Variants in RIMS1 observed in about 807,000 individuals in gnomAD.
The protein encoded by RIMS1 is regulating synaptic membrane exocytosis 1.
In RIMS1, 83 loss-of-function variants were observed where a neutral mutation model predicts 214.1. That is an observed-to-expected ratio of 0.39 (90% confidence interval 0.32 to 0.47). RIMS1 has a LOEUF of 0.47. Ranked by LOEUF, RIMS1 falls within the 20% of genes least tolerant of loss-of-function variation. The probability of loss-of-function intolerance (pLI) is 0.99; values close to 1 mark genes in which losing one functional copy is unlikely to be tolerated. For synonymous variants in RIMS1, 793 were observed against 786.8 expected, an observed-to-expected ratio of 1.01 and a Z score of -0.13; for missense variants, 2,050 against 2,161.8, an observed-to-expected ratio of 0.95 and a Z score of 1.03.
intron 1 of RIMS1, among the ~76,000 whole-genome samples, chr6:71,965,578 G>C (rs557824740): frequency 1.3e-5 from 2 of 152,274 alleles, no homozygotes; most frequent in Admixed American, 1.3e-4. Context: ...TCATCGCATT[G>C]ATTGCAGTCA....
rs1022449274 is a variant in RIMS1 at position 72,261,234 on chromosome 6, A to C, written c.3116+467A>C. The C allele has an allele frequency of 3.0e-6, 3 of 1,007,442 alleles. No homozygotes were observed. In the African/African-American group the frequency reaches 5.2e-5, roughly 18 times the overall value. 62.4% of individuals were successfully genotyped at this position (1,007,442 alleles called of 1,614,324 possible). On this transcript the variant is annotated intron_variant, in intron 19 of 33. Transcript: ENST00000521978. The stretch of plus-strand genomic sequence containing the variant: ...GTTGTTTATATTCTGTTTGCTTTTG[A>C]TAAAATCTTTAACAGTTCACTTTTA...
At chr6:71,982,132 T>G (rs1798654471) in intron 2 of RIMS1, among the ~76,000 whole-genome samples, 2 of 152,150 alleles carry the variant, frequency 1.3e-5, no homozygotes, top group African/African-American at 4.8e-5. Context: ...ACTTTGATTT[T>G]TCTAACTCTG....
intron 2 of RIMS1, among the ~76,000 whole-genome samples, chr6:72,021,681 A>G (rs891518521): frequency 6.6e-6 from 1 of 152,184 alleles, no homozygotes; most frequent in Non-Finnish European, 1.5e-5. Flanking sequence ...CTCAGGTCTA[A>G]CAAGGTATAG....
chr6:72,188,985 A>C (rs1740852051), intron 6 of RIMS1, among the ~76,000 whole-genome samples: 1 of 152,214 alleles, frequency 6.6e-6, no homozygotes, highest in Admixed American at 6.5e-5. Context: ...TAATGGAATC[A>C]TTGTGTCTCC....
intron 1 of RIMS1, among the ~76,000 whole-genome samples, chr6:71,953,819 A>G (rs1790374609): frequency 6.6e-6 from 1 of 152,194 alleles, no homozygotes; most frequent in African/African-American, 2.4e-5. Flanking sequence ...TGTTGAGACC[A>G]CTGAGTTGCA....
intron 32 of RIMS1, 75 bp downstream of exon 32, chr6:72,398,425 G>A: frequency 1.2e-6 from 1 of 815,132 alleles, no homozygotes; most frequent in Non-Finnish European, 1.9e-6. Context: ...TGCTGCATTT[G>A]AATTTCATAT....
At chr6:72,115,004 T>C (rs535356638) in intron 4 of RIMS1, among the ~76,000 whole-genome samples, 1 of 152,086 alleles carries the variant, frequency 6.6e-6, no homozygotes, top group South Asian at 2.1e-4. Flanking sequence ...AAATATAAAT[T>C]ACCTACTGAA....
intron 24 of RIMS1, among the ~76,000 whole-genome samples, chr6:72,288,590 A>G (rs1043898004): frequency 1.4e-4 from 22 of 152,282 alleles, no homozygotes; most frequent in African/African-American, 4.8e-4. Flanking sequence ...GATTCTTTCA[A>G]CTTTACACTC....
At chr6:72,267,533 C>T (rs1462794130) in intron 22 of RIMS1, among the ~76,000 whole-genome samples, 2 of 152,082 alleles carry the variant, frequency 1.3e-5, no homozygotes, top group East Asian at 1.9e-4. Context: ...CATTATTATA[C>T]AAACTATTAG....
intron 29 of RIMS1, among the ~76,000 whole-genome samples, chr6:72,353,515 A>G (rs746883079): frequency 6.6e-6 from 1 of 152,234 alleles, no homozygotes; most frequent in African/African-American, 2.4e-5. Context: ...CATAGACTGC[A>G]TAAAGCTTAG....
At chr6:72,036,879 T>A (rs1819769548) in intron 2 of RIMS1, among the ~76,000 whole-genome samples, 1 of 152,202 alleles carries the variant, frequency 6.6e-6, no homozygotes, top group Non-Finnish European at 1.5e-5. Context: ...TTTTTAATGC[T>A]ATAGTGGGAG....
At chr6:72,022,001 G>C (rs1814840379) in intron 2 of RIMS1, among the ~76,000 whole-genome samples, 1 of 152,112 alleles carries the variant, frequency 6.6e-6, no homozygotes, top group East Asian at 1.9e-4. Flanking sequence ...CTTCCAAGCA[G>C]TTTTATCCTC....
intron 4 of RIMS1, among the ~76,000 whole-genome samples, chr6:72,126,863 A>G (rs545483307): frequency 2.0e-4 from 31 of 152,206 alleles, no homozygotes; most frequent in African/African-American, 6.7e-4. Flanking sequence ...TATGGAAAAC[A>G]GTTTGGAGAT....
In RIMS1 at chr6:72,348,400, A is replaced by G. The variant is rs540274304; in HGVS notation, c.4366+14565A>G. Among the ~76,000 whole-genome samples, 7 of 151,994 alleles carry G rather than the reference A, an allele frequency of 4.6e-5. No individual in the cohort carries two copies. In the South Asian group the frequency reaches 8.3e-4, roughly 18 times the overall value. ...CCAACGTTTACTGTCGGACGACTGT[A>G]GAAGTGATTTGTCTATTACTTTGCA... On this transcript the variant is annotated intron_variant, in intron 29 of 33. Coordinates refer to ENST00000521978, the MANE Select transcript of RIMS1 (RefSeq NM_014989.7).
intron 4 of RIMS1, among the ~76,000 whole-genome samples, chr6:72,150,955 T>C (rs560480173): frequency 9.2e-5 from 14 of 152,344 alleles, no homozygotes; most frequent in African/African-American, 3.4e-4. Context: ...AGATGGACCA[T>C]GGTGACAGTC....
At chr6:72,141,060 G>A (rs1264992620) in intron 4 of RIMS1, among the ~76,000 whole-genome samples, 1 of 151,930 alleles carries the variant, frequency 6.6e-6, no homozygotes, top group Non-Finnish European at 1.5e-5. Flanking sequence ...TTTAAGGTGG[G>A]TATGACTTCC....
At chr6:72,188,614 A>G (rs2049528667) in intron 6 of RIMS1, among the ~76,000 whole-genome samples, 1 of 150,194 alleles carries the variant, frequency 6.7e-6, no homozygotes, top group South Asian at 2.1e-4. Flanking sequence ...ATTGATGACT[A>G]CCTTCTACTA....
chr6:72,328,565 C>G (rs1169339844), intron 28 of RIMS1, among the ~76,000 whole-genome samples: 1 of 151,404 alleles, frequency 6.6e-6, no homozygotes, highest in African/African-American at 2.4e-5. Flanking sequence ...AACAAAATAC[C>G]TTGGGATCTA....
intron 2 of RIMS1, among the ~76,000 whole-genome samples, chr6:72,066,685 C>G (rs1829382648): frequency 6.6e-6 from 1 of 152,118 alleles, no homozygotes; most frequent in South Asian, 2.1e-4. Flanking sequence ...ATGTGTATCT[C>G]TACCCCAAAC....
Sources: gnomAD v4.1 joint callset for allele counts (sites outside exome capture counted in the v4.1 genomes callset) on GRCh38, gnomAD v4.1.1 for gene constraint, MANE v1.5 for transcripts, NCBI Gene and HGNC (gene_info 2026-07-23, HGNC 2026-07-21) for gene names.